Variants in DHX33 observed in about 807,000 individuals in gnomAD.
DHX33 encodes ATP-dependent RNA helicase DHX33.
In DHX33, 42 loss-of-function variants were observed where a neutral mutation model predicts 72.5. The observed-to-expected ratio is 0.58, with a 90% CI of 0.45 to 0.75. The LOEUF is 0.75. Among genes scored for constraint, DHX33 ranks in the 30% least tolerant of loss-of-function variants. The pLI is 0.00. For missense variants in DHX33, 842 were observed against 917.5 expected, an observed-to-expected ratio of 0.92 and a Z score of 1.06; for synonymous variants, 358 against 366.1, an observed-to-expected ratio of 0.98 and a Z score of 0.25.
chr17:5,456,420 G>A (rs904590102), intron 4 of DHX33, among the ~76,000 whole-genome samples: 1 of 152,170 alleles, frequency 6.6e-6, no homozygotes, highest in Non-Finnish European at 1.5e-5. Context: ...GCTGAGGCGG[G>A]AGGATCGTTT....
Position 5,463,661 on chromosome 17 carries a change from C to G in DHX33, c.318G>C (p.Gln106His). 1 of 1,611,606 alleles carries G rather than the reference C, an allele frequency of 6.2e-7. No individual in the cohort carries two copies. The highest frequency in any genetic ancestry group is 1.3e-5 in the African/African-American group (1 of 74,642). Reference sequence around the variant, plus strand: ...CTCCTTCATACAGGTACTGAGGGATCTGAGTTGTCTTCCCAGAGCCAGTTT... The same window carrying G: ...CTCCTTCATACAGGTACTGAGGGATGTGAGTTGTCTTCCCAGAGCCAGTTT... The part of the protein sequence containing the change: ...IGETGSGKTT[Q>H]IPQYLYEGGI... Residue 106 changes from glutamine (Q) to histidine (H), a missense_variant, in exon 2 of 12, where the codon CAG becomes CAC. Coordinates refer to ENST00000225296, the MANE Select transcript of DHX33 (RefSeq NM_020162.4).
chr17:5,450,385 A>G lies in DHX33; in HGVS notation c.1546T>C (p.Phe516Leu). The change falls in exon 10 of 12, where the codon TTC (phenylalanine) becomes CTC (leucine). Residue 516 changes from phenylalanine (F) to leucine (L), a missense_variant. By Grantham distance (22) the Phe-to-Leu change is conservative (BLOSUM62 0). Transcript: ENST00000225296. ...FAKTILMSPK[F>L]HCTEEILTIV... Reference sequence around the variant, plus strand: ...GTCAGGATCTCCTCTGTACAGTGGAATTTGGGGGACATGAGGATGGTCTGC... The same window carrying G: ...GTCAGGATCTCCTCTGTACAGTGGAGTTTGGGGGACATGAGGATGGTCTGC... 6.2e-7 allele frequency: 1 copy of G among 1,614,058 alleles called. No homozygotes were observed. Among genetic ancestry groups the G allele is most frequent in the Non-Finnish European group, 8.5e-7 (1 of 1,179,942 alleles).
At chr17:5,458,273 C>A (rs945839598) in intron 4 of DHX33, among the ~76,000 whole-genome samples, 1 of 151,920 alleles carries the variant, frequency 6.6e-6, no homozygotes, top group Non-Finnish European at 1.5e-5. Context: ...ACAGACTGTG[C>A]TTGAACACAG....
At chr17:5,447,298 G>C (rs751563984) in intron 11 of DHX33, among the ~76,000 whole-genome samples, 1 of 151,770 alleles carries the variant, frequency 6.6e-6, no homozygotes, top group African/African-American at 2.4e-5. Context: ...CCAGTGGATC[G>C]CCTGAGGTCA....
chr17:5,450,944 C>CA lies in DHX33; in HGVS notation c.1397-11dup. 6.2e-7 allele frequency: 1 copy of CA among 1,610,592 alleles called. No homozygotes were observed. Among genetic ancestry groups the CA allele is most frequent in the Non-Finnish European group, 8.5e-7 (1 of 1,178,926 alleles). ...GCCGCCTGAATGTGATCTAAAGAAA[C>CA]AGAGACATAAAAAGGAGCCAAAAGT... On this transcript the variant is annotated splice_polypyrimidine_tract_variant and intron_variant, in intron 8 of 11. Coordinates refer to ENST00000225296, the MANE Select transcript of DHX33 (RefSeq NM_020162.4).
rs754415659 is a variant in DHX33, at chr17:5,456,188, A to G, written c.850-6T>C. ...TCCTGTGAAGAAGGGGCTTCCTGTA[A>G]AAAAAGTAGAGTGGGTTTACTAGGC... On this transcript the variant is annotated splice_region_variant and splice_polypyrimidine_tract_variant and intron_variant, in intron 4 of 11. Transcript: ENST00000225296. 1.4e-5 allele frequency: 22 copies of G among 1,613,234 alleles called. No homozygotes were observed. In the Admixed American group the frequency reaches 3.7e-4, roughly 27 times the overall value.
chr17:5,461,338 G>T (rs1488723200), intron 3 of DHX33: 1 of 314,474 alleles, frequency 3.2e-6, no homozygotes. Context: ...GTTTCACCGG[G>T]CACGGTGGCT....
chr17:5,446,052 G>C (rs1916648230), intron 11 of DHX33, among the ~76,000 whole-genome samples: 1 of 152,146 alleles, frequency 6.6e-6, no homozygotes, highest in African/African-American at 2.4e-5. Context: ...CAGCTCGCTG[G>C]CAACCTCTGC....
chr17:5,453,103 T>C (rs1375532028), intron 8 of DHX33, among the ~76,000 whole-genome samples: 1 of 152,250 alleles, frequency 6.6e-6, no homozygotes, highest in Non-Finnish European at 1.5e-5. Flanking sequence ...AATGTGATCT[T>C]TGCAGTCCCT....
At chr17:5,452,946 G>A (rs1232825305) in intron 8 of DHX33, among the ~76,000 whole-genome samples, 1 of 151,974 alleles carries the variant, frequency 6.6e-6, no homozygotes, top group Non-Finnish European at 1.5e-5. Context: ...GAAAAGGGGG[G>A]GCAATAAAAA....
At position 5,450,292 on chromosome 17, in the gene DHX33, C is replaced by G. The variant is rs376505178; in HGVS notation, c.1639G>C (p.Gly547Arg). The G allele has an allele frequency of 6.2e-7, 1 of 1,614,162 alleles. No homozygotes were observed. Among genetic ancestry groups the G allele is most frequent in the Admixed American group, 1.7e-5 (1 of 60,010 alleles). The change falls in exon 10 of 12, where the codon GGG becomes CGG. Residue 547 changes from glycine to arginine, a missense_variant. By Grantham distance (125) the Gly-to-Arg change is moderately radical (BLOSUM62 -2). Coordinates refer to ENST00000225296, the MANE Select transcript of DHX33 (RefSeq NM_020162.4). ...NPPSRREEVQGVRKKFISSEG... is the reference protein window; with the variant it reads ...NPPSRREEVQRVRKKFISSEG... ...CTGGATATGAACTTCTTGCGGACCC[C>G]TTGCACTTCCTCTCGCCGGGAAGGA...
chr17:5,445,254 T>G (rs1033382943), intron 11 of DHX33, among the ~76,000 whole-genome samples: 1 of 152,200 alleles, frequency 6.6e-6, no homozygotes, highest in Non-Finnish European at 1.5e-5. Flanking sequence ...AATTTTTGTA[T>G]TTTTAGTAGA....
chr17:5,457,176 C>G (rs192197471), intron 4 of DHX33, among the ~76,000 whole-genome samples: 17 of 152,102 alleles, frequency 1.1e-4, no homozygotes, highest in African/African-American at 4.1e-4. Context: ...GGCGTGGTGG[C>G]GCACGCCTGT....
At chr17:5,465,432 C>A (rs1276109642) in intron 1 of DHX33, among the ~76,000 whole-genome samples, 1 of 152,192 alleles carries the variant, frequency 6.6e-6, no homozygotes, top group Non-Finnish European at 1.5e-5. Context: ...GGCAACAGAG[C>A]GTTGCTAAAG....
At chr17:5,450,105 G>T in intron 10 of DHX33, 98 bp downstream of exon 10, 1 of 1,448,746 alleles carries the variant, frequency 6.9e-7, no homozygotes, top group South Asian at 1.2e-5. Context: ...TAGCCAAAAA[G>T]GGAAAGCGTA....
rs1241629338 is a variant in DHX33 at position 5,461,937 on chromosome 17, T to G, written c.678+382A>C. Among the ~76,000 whole-genome samples, 6 of 58,766 alleles carry G rather than the reference T, an allele frequency of 1.0e-4. No individual in the cohort carries two copies. In the East Asian group the frequency reaches 2.3e-3, roughly 22 times the overall value. 38.6% of individuals were successfully genotyped at this position (58,766 alleles called of 152,430 possible). A position where few individuals can be genotyped will look rare whatever the true frequency, so the allele number is the denominator to read the frequency against. On this transcript the variant is annotated intron_variant, in intron 3 of 11. Coordinates refer to ENST00000225296, the MANE Select transcript of DHX33 (RefSeq NM_020162.4). ...GTTATGCTATTTAATGAACTTTCAC[T>G]TTTTTTTTTTTTTTTTTTTTGAGAC...
intron 8 of DHX33, among the ~76,000 whole-genome samples, chr17:5,451,586 C>T (rs1916916344): frequency 6.6e-6 from 1 of 152,102 alleles, no homozygotes; most frequent in Non-Finnish European, 1.5e-5. Flanking sequence ...GCAGTTGTCT[C>T]AGGGGCCAGC....
intron 5 of DHX33, among the ~76,000 whole-genome samples, chr17:5,455,747 G>A (rs1917161811): frequency 6.6e-6 from 1 of 152,220 alleles, no homozygotes; most frequent in South Asian, 2.1e-4. Flanking sequence ...GTCCTTAGAA[G>A]TCACTCGTTT....
At position 5,448,814 on chromosome 17, in the gene DHX33, A is replaced by T. The variant is rs1916765644; in HGVS notation, c.1810T>A (p.Leu604Ile). Residue 604 changes from leucine to isoleucine, a missense_variant, in exon 11 of 12, where the codon TTA becomes ATA. Coordinates refer to ENST00000225296, the MANE Select transcript of DHX33 (RefSeq NM_020162.4). Reference protein sequence around the residue: ...EVRAQLRDICLKMSMPIASSR... With the variant: ...EVRAQLRDICIKMSMPIASSR... The stretch of plus-strand genomic sequence containing the variant: ...ACACTAGGACCAGACGATACCTTTA[A>T]GCAGATGTCCCTCAGCTGTGCTCTG... 2 of 1,607,382 alleles carry T rather than the reference A, an allele frequency of 1.2e-6. No homozygotes were observed. Among genetic ancestry groups the T allele is most frequent in the African/African-American group, 2.7e-5 (2 of 74,448 alleles).
Sources: allele counts gnomAD v4.1 joint callset (sites outside exome capture counted in the v4.1 genomes callset), GRCh38; gene constraint gnomAD v4.1.1; transcripts MANE v1.5; gene names NCBI Gene and HGNC (gene_info 2026-07-23, HGNC 2026-07-21).